The following TCF12 variants were observed in gnomAD, a reference collection of about 807,000 sequenced individuals.
The protein encoded by TCF12 is DNA-binding protein HTF4.
A neutral mutation model predicts 86.0 loss-of-function variants in TCF12; 45 were observed. The observed-to-expected ratio is 0.52, with a 90% CI of 0.41 to 0.67. The LOEUF (loss-of-function observed/expected upper bound fraction) is 0.67. Ranked by LOEUF, TCF12 falls within the 30% of genes least tolerant of loss-of-function variation. The probability of loss-of-function intolerance (pLI) is 0.00; values close to 1 mark genes in which losing one functional copy is unlikely to be tolerated. For missense variants in TCF12, 881 were observed against 859.9 expected, an observed-to-expected ratio of 1.02 and a Z score of -0.31; for synonymous variants, 330 against 299.6, an observed-to-expected ratio of 1.10 and a Z score of -1.05.
intron 5 of TCF12, chr15:57,130,068 A>G (rs565700264): frequency 6.6e-6 from 1 of 152,360 alleles, no homozygotes; most frequent in Admixed American, 6.5e-5. Context: ...TTTTCAAGGA[A>G]TCGAATTTAA....
chr15:57,042,264 G>T (rs1471310205), intron 3 of TCF12, among the ~76,000 whole-genome samples: 4 of 151,978 alleles, frequency 2.6e-5, no homozygotes, highest in African/African-American at 9.7e-5. Context: ...CTCATTTGTG[G>T]TTCATCAGAT....
intron 8 of TCF12, chr15:57,218,908 T>C (rs1054759474): frequency 7.4e-6 from 3 of 405,718 alleles, no homozygotes; most frequent in African/African-American, 6.5e-5. Flanking sequence ...AAGAGGTATT[T>C]GCATGATGGT....
intron 5 of TCF12, among the ~76,000 whole-genome samples, chr15:57,130,557 A>G (rs1443392520): frequency 1.3e-5 from 2 of 152,146 alleles, no homozygotes; most frequent in African/African-American, 4.8e-5. Flanking sequence ...TCATTGACCA[A>G]CATCTCCAGT....
chr15:57,095,701 G>C (rs2049275848), intron 5 of TCF12, among the ~76,000 whole-genome samples: 1 of 152,058 alleles, frequency 6.6e-6, no homozygotes, highest in African/African-American at 2.4e-5. Context: ...AATATGTGGT[G>C]GTACAGGGGG....
rs144695258 is a variant in TCF12 at position 57,212,121 on chromosome 15, G to A, written c.579+14296G>A. On this transcript the variant is annotated intron_variant, in intron 8 of 20. Coordinates refer to ENST00000333725, the MANE Select transcript of TCF12 (RefSeq NM_207037.2). Reference sequence around the variant, plus strand: ...ACATCAGAAAAACCTAACAAATTCTGTGGATTCTATACTTTACCAAAATAA... The same window carrying A: ...ACATCAGAAAAACCTAACAAATTCTATGGATTCTATACTTTACCAAAATAA... Among the ~76,000 whole-genome samples, 314 of 152,172 alleles carry A rather than the reference G, an allele frequency of 2.1e-3. 2 individuals carry two copies. The highest frequency in any genetic ancestry group is 7.4e-3 in the African/African-American group (305 of 41,490).
At chr15:57,026,780 G>T (rs1242723214) in intron 3 of TCF12, among the ~76,000 whole-genome samples, 5 of 151,936 alleles carry the variant, frequency 3.3e-5, no homozygotes, top group African/African-American at 1.2e-4. Flanking sequence ...TGTCCGTGGG[G>T]GATTGGTTCC....
At chr15:56,980,192 C>CA (rs1224834729) in intron 3 of TCF12, among the ~76,000 whole-genome samples, 3 of 152,062 alleles carry the variant, frequency 2.0e-5, no homozygotes, top group East Asian at 1.9e-4. Flanking sequence ...GACTGTCTAC[C>CA]AAAAAAACAA....
At chr15:57,244,578 G>C (rs1486019403) in intron 13 of TCF12, among the ~76,000 whole-genome samples, 2 of 152,126 alleles carry the variant, frequency 1.3e-5, no homozygotes, top group Non-Finnish European at 2.9e-5. Flanking sequence ...TCCTGCCTCA[G>C]CTTCCCGAGT....
In TCF12 at chr15:57,227,079, C is replaced by A. The variant is rs185024750; in HGVS notation, c.580-4073C>A. 8.5e-5 allele frequency among the ~76,000 whole-genome samples: 13 copies of A among 152,208 alleles called. 1 individual carries two copies. The highest frequency in any genetic ancestry group is 1.5e-5 in the Non-Finnish European group (1 of 67,956). ...CTAAAGAAAATTCCCATCTCTTCAT[C>A]CCTTGGTACCTTAAAAAGTATCAGC... On this transcript the variant is annotated intron_variant, in intron 8 of 20. Transcript: ENST00000333725.
At chr15:56,956,973 G>C (rs1418885373) in intron 3 of TCF12, among the ~76,000 whole-genome samples, 1 of 152,128 alleles carries the variant, frequency 6.6e-6, no homozygotes, top group East Asian at 1.9e-4. Context: ...GATGTTGAAA[G>C]GTGTGATGTT....
intron 3 of TCF12, among the ~76,000 whole-genome samples, chr15:56,948,404 G>A (rs1462041804): frequency 1.3e-5 from 2 of 152,126 alleles, no homozygotes; most frequent in Non-Finnish European, 2.9e-5. Context: ...TAAAATCACC[G>A]TAACTTCAGA....
chr15:57,206,219 G>C (rs899717149), intron 8 of TCF12, among the ~76,000 whole-genome samples: 1 of 152,138 alleles, frequency 6.6e-6, no homozygotes, highest in Non-Finnish European at 1.5e-5. Flanking sequence ...ACAAGGTAAT[G>C]AGGCCAGGCG....
intron 3 of TCF12, among the ~76,000 whole-genome samples, chr15:57,005,202 A>G (rs2064280820): frequency 6.6e-6 from 1 of 152,252 alleles, no homozygotes; most frequent in Admixed American, 6.5e-5. Flanking sequence ...ATAAAGCAAC[A>G]AAACCCATGG....
At chr15:57,276,626 A>C (rs866495839) in intron 19 of TCF12, among the ~76,000 whole-genome samples, 1 of 152,180 alleles carries the variant, frequency 6.6e-6, no homozygotes, top group African/African-American at 2.4e-5. Context: ...TCGGGTAAAA[A>C]AAATATTCTA....
At chr15:57,280,592 C>G (rs1233562335) in intron 19 of TCF12, among the ~76,000 whole-genome samples, 5 of 152,006 alleles carry the variant, frequency 3.3e-5, no homozygotes, top group Non-Finnish European at 7.4e-5. Flanking sequence ...AAGGGGAATC[C>G]GGCACAGTGG....
chr15:57,240,456 T>G (rs1194462343), intron 12 of TCF12, among the ~76,000 whole-genome samples: 1 of 152,200 alleles, frequency 6.6e-6, no homozygotes, highest in African/African-American at 2.4e-5. Flanking sequence ...CCACCATCAG[T>G]GTTATCAGCC....
chr15:57,277,203 T>C lies in TCF12; in HGVS notation c.1978+3941T>C, dbSNP rs577053170. On this transcript the variant is annotated intron_variant, in intron 19 of 20. Coordinates refer to ENST00000333725, the MANE Select transcript of TCF12 (RefSeq NM_207037.2). ...ATAAGCTGGGCATGGTGTGTGCCTA[T>C]AGTCCCAGCTACTTGGGATGTTGAG... 2.0e-5 allele frequency among the ~76,000 whole-genome samples: 3 copies of C among 152,310 alleles called. No individual in the cohort carries two copies. In the South Asian group the frequency reaches 6.2e-4, roughly 32 times the overall value.
At chr15:57,063,678 C>G in intron 3 of TCF12, 72 bp from the exon 4 acceptor site, 4 of 1,330,632 alleles carry the variant, frequency 3.0e-6, no homozygotes, top group Non-Finnish European at 4.3e-6. Context: ...AAATTGTACT[C>G]TGCTGTCCCG....
At chr15:56,975,564 G>GA (rs2062554758) in intron 3 of TCF12, among the ~76,000 whole-genome samples, 1 of 152,046 alleles carries the variant, frequency 6.6e-6, no homozygotes, top group Non-Finnish European at 1.5e-5. Context: ...CTGCCTAGCT[G>GA]TATTATCTGT....
Sources: gnomAD v4.1 joint callset for allele counts (sites outside exome capture counted in the v4.1 genomes callset) on GRCh38, gnomAD v4.1.1 for gene constraint, MANE v1.5 for transcripts, NCBI Gene and HGNC (gene_info 2026-07-23, HGNC 2026-07-21) for gene names.